MEGF10: variants seen among roughly 807,000 people sequenced by gnomAD.
MEGF10 encodes multiple EGF like domains 10, also known as multiple epidermal growth factor-like domains protein 10.
A neutral mutation model predicts 147.5 loss-of-function variants in MEGF10; 86 were observed. The ratio of observed to expected loss-of-function variants is 0.58; its 90% CI spans 0.49 to 0.70. The LOEUF (loss-of-function observed/expected upper bound fraction) is 0.70, where lower values mean the gene tolerates loss of function less well. Ranked by LOEUF, MEGF10 falls within the 30% of genes least tolerant of loss-of-function variation. The pLI is 0.00. For synonymous variants in MEGF10, 478 were observed against 525.5 expected, an observed-to-expected ratio of 0.91 and a Z score of 1.24; for missense variants, 1,329 against 1,487.3, an observed-to-expected ratio of 0.89 and a Z score of 1.75.
chr5:127,332,175 C>T (rs905440791), intron 2 of MEGF10, among the ~76,000 whole-genome samples: 1 of 152,152 alleles, frequency 6.6e-6, no homozygotes, highest in Non-Finnish European at 1.5e-5. Flanking sequence ...CCTTTTGGAA[C>T]ACAAAAATAG....
chr5:127,339,064 T>C, intron 2 of MEGF10, 56 bp from the exon 3 acceptor site: 3 of 1,123,338 alleles, frequency 2.7e-6, no homozygotes, highest in Non-Finnish European at 3.9e-6. Context: ...ATACATAGTA[T>C]ATTATTAATT....
chr5:127,288,113 A>G (rs1263898478), upstream of MEGF10, among the ~76,000 whole-genome samples: 2 of 152,122 alleles, frequency 1.3e-5, no homozygotes, highest in Non-Finnish European at 2.9e-5. Context: ...AATAGATTGT[A>G]GACCTAAATA....
intron 1 of MEGF10, chr5:127,300,134 T>C (rs559097910): frequency 3.3e-5 from 5 of 152,342 alleles, no homozygotes; most frequent in Admixed American, 6.5e-5. Context: ...TTGCCAATGA[T>C]ATAGATGACT....
intron 5 of MEGF10, among the ~76,000 whole-genome samples, chr5:127,396,201 AC>A (rs1763903951): frequency 6.6e-6 from 1 of 152,112 alleles, no homozygotes; most frequent in Admixed American, 6.5e-5. Context: ...TCCTTGCAGA[AC>A]CCCTGAGCTC....
chr5:127,458,822 T>C lies in MEGF10; in HGVS notation c.*1504T>C, dbSNP rs1766461446. On this transcript the variant is annotated 3_prime_UTR_variant, in exon 25 of 25. Transcript: ENST00000503335. The stretch of plus-strand genomic sequence containing the variant: ...CTCATCTTAAAAAAAACTCTCATTA[T>C]GGTGATCATAGAATTGACCATCCAA... 2 of 152,192 alleles carry C rather than the reference T, an allele frequency of 1.3e-5. No homozygotes were observed. The highest frequency in any genetic ancestry group is 1.3e-4 in the Admixed American group (2 of 15,270). 9.4% of individuals were successfully genotyped at this position (152,192 alleles called of 1,614,324 possible).
At chr5:127,264,839 T>C in the MEGF10 span, among the ~76,000 whole-genome samples, 3 of 152,168 alleles carry the variant, frequency 2.0e-5, no homozygotes, top group Admixed American at 6.5e-5. Context: ...CTGGGATACA[T>C]GTGCAGGACG....
the MEGF10 span, among the ~76,000 whole-genome samples, chr5:127,255,915 C>G: frequency 6.6e-6 from 1 of 152,106 alleles, no homozygotes; most frequent in Non-Finnish European, 1.5e-5. Flanking sequence ...GTGGGGAGCA[C>G]TTTATTGAGT....
chr5:127,247,382 A>G, the MEGF10 span, among the ~76,000 whole-genome samples: 3 of 17,536 alleles, frequency 1.7e-4, no homozygotes, highest in African/African-American at 8.8e-4. Flanking sequence ...AAGAAGAAGA[A>G]GAAGAAGAAG....
chr5:127,422,570 CAGGGTACTGT>C, intron 12 of MEGF10, 90 bp from the exon 13 acceptor site: 1 of 848,332 alleles, frequency 1.2e-6, no homozygotes, highest in South Asian at 1.4e-5. Context: ...TTTGGGACAG[CAGGGTACTGT>C]ATGTGAAATG....
At chr5:127,260,918 A>G in the MEGF10 span, among the ~76,000 whole-genome samples, 83,087 of 151,870 alleles carry the variant, frequency 0.55, 23,087 homozygotes, top group Middle Eastern at 0.7. Context: ...AACTATTCTC[A>G]TTTGTTCCTG....
intron 13 of MEGF10, among the ~76,000 whole-genome samples, chr5:127,427,915 G>T (rs1461984137): frequency 6.6e-6 from 1 of 152,204 alleles, no homozygotes; most frequent in African/African-American, 2.4e-5. Flanking sequence ...TTGAGGGCTG[G>T]AGAGTGTGTC....
intron 5 of MEGF10, among the ~76,000 whole-genome samples, chr5:127,377,386 C>T (rs1446014802): frequency 6.6e-6 from 1 of 152,116 alleles, no homozygotes; most frequent in African/African-American, 2.4e-5. Flanking sequence ...AATGCTTGTC[C>T]CTCGGGCTCT....
rs115312050 is a variant in MEGF10, at chr5:127,412,932, G to A, written c.1130+2331G>A. On this transcript the variant is annotated intron_variant, in intron 9 of 24. Transcript: ENST00000503335. Reference sequence around the variant, plus strand: ...GCCACACATCTCCAGTATCTAGCAGGCTAGCCTGGGCTTTTTCACATGGTG... The same window carrying A: ...GCCACACATCTCCAGTATCTAGCAGACTAGCCTGGGCTTTTTCACATGGTG... 4.5e-3 allele frequency among the ~76,000 whole-genome samples: 686 copies of A among 152,240 alleles called. 6 individuals carry two copies. Among genetic ancestry groups the A allele is most frequent in the African/African-American group, 0.016 (650 of 41,526 alleles).
chr5:127,444,459 C>T (rs1765867252), intron 19 of MEGF10: 1 of 152,200 alleles, frequency 6.6e-6, no homozygotes, highest in Admixed American at 6.5e-5. Flanking sequence ...AAAGGTCCTT[C>T]AGCATTTAGA....
At chr5:127,386,509 A>G (rs1561611077) in intron 5 of MEGF10, among the ~76,000 whole-genome samples, 3 of 152,240 alleles carry the variant, frequency 2.0e-5, no homozygotes, top group African/African-American at 7.2e-5. Flanking sequence ...ACCAGCAAGT[A>G]GGAAATGTCT....
intron 17 of MEGF10, among the ~76,000 whole-genome samples, chr5:127,440,318 G>A (rs1005617145): frequency 2.0e-5 from 3 of 152,160 alleles, no homozygotes; most frequent in Non-Finnish European, 2.9e-5. Flanking sequence ...GAGATGTTCT[G>A]TACTACAAGT....
chr5:127,388,363 G>A (rs1763513624), intron 5 of MEGF10, among the ~76,000 whole-genome samples: 1 of 151,794 alleles, frequency 6.6e-6, no homozygotes, highest in Non-Finnish European at 1.5e-5. Context: ...TACCCAGGCT[G>A]GTCTCTAACT....
the MEGF10 span, among the ~76,000 whole-genome samples, chr5:127,241,344 C>A: frequency 2.0e-5 from 3 of 152,118 alleles, no homozygotes; most frequent in Non-Finnish European, 4.4e-5. Context: ...CTTGCTTTGC[C>A]CTTTGCTACT....
rs367788361 is a variant in MEGF10 at position 127,435,473 on chromosome 5, C to T, written c.2088C>T (p.Gly696=). 9 of 1,613,720 alleles carry T rather than the reference C, an allele frequency of 5.6e-6. No individual in the cohort carries two copies. The highest frequency in any genetic ancestry group is 1.3e-5 in the African/African-American group (1 of 74,990). The change falls in exon 16 of 25, where the codon GGC becomes GGT. Residue 696 remains glycine (G), a synonymous_variant. Coordinates refer to ENST00000503335, the MANE Select transcript of MEGF10 (RefSeq NM_001256545.2). ...GTCAGTGTTACCCCGGTTGGATTGG[C>T]AGTGACTGCTCTCAACGTAAGTCTT... is the stretch of plus-strand genomic sequence containing the variant. ...RSCQCYPGWI[G]SDCSQPCPPA...
Sources: gnomAD v4.1 joint callset for allele counts (sites outside exome capture counted in the v4.1 genomes callset) on GRCh38, gnomAD v4.1.1 for gene constraint, MANE v1.5 for transcripts, NCBI Gene and HGNC (gene_info 2026-07-23, HGNC 2026-07-21) for gene names.